FA2H: variants seen among roughly 807,000 people sequenced by gnomAD.
FA2H encodes fatty acid 2-hydroxylase, also known as fatty acid alpha-hydroxylase.
In FA2H, 22 loss-of-function variants were observed where a neutral mutation model predicts 44.9. The ratio of observed to expected loss-of-function variants is 0.49; its 90% CI spans 0.35 to 0.70. FA2H has a LOEUF of 0.70. Ranked by LOEUF, FA2H falls within the 30% of genes least tolerant of loss-of-function variation. The pLI, the probability that FA2H is intolerant of heterozygous loss-of-function variation, is 0.01. For missense variants in FA2H, 501 were observed against 504.9 expected, an observed-to-expected ratio of 0.99 and a Z score of 0.07; for synonymous variants, 243 against 213.2, an observed-to-expected ratio of 1.14 and a Z score of -1.22.
chr16:74,725,355 A>G (rs1961929289), intron 4 of FA2H, among the ~76,000 whole-genome samples: 1 of 152,208 alleles, frequency 6.6e-6, no homozygotes. Flanking sequence ...GACAGACCAC[A>G]GGGCAGGTGG....
chr16:74,769,639 G>A (rs534766976), intron 1 of FA2H, among the ~76,000 whole-genome samples: 1 of 152,308 alleles, frequency 6.6e-6, no homozygotes, highest in Admixed American at 6.5e-5. Flanking sequence ...CAGAGTCTGG[G>A]AAACACAGTA....
intron 1 of FA2H, among the ~76,000 whole-genome samples, chr16:74,743,528 G>A (rs557134430): frequency 6.6e-6 from 1 of 152,224 alleles, no homozygotes; most frequent in Admixed American, 6.5e-5. Context: ...CCCGCACAGA[G>A]GGGCCAGGGA....
intron 1 of FA2H, among the ~76,000 whole-genome samples, chr16:74,743,570 C>T (rs1962354837): frequency 6.6e-6 from 1 of 152,156 alleles, no homozygotes; most frequent in Non-Finnish European, 1.5e-5. Context: ...GAATCATGGA[C>T]CAGCACCAGT....
At chr16:74,769,602 A>T (rs74355523) in intron 1 of FA2H, among the ~76,000 whole-genome samples, 2 of 152,080 alleles carry the variant, frequency 1.3e-5, no homozygotes, top group Non-Finnish European at 2.9e-5. Context: ...GGGGGAAAAA[A>T]ACCTGGGGTG....
At chr16:74,734,951 C>T (rs1330950936) in intron 2 of FA2H, among the ~76,000 whole-genome samples, 1 of 152,256 alleles carries the variant, frequency 6.6e-6, no homozygotes, top group Non-Finnish European at 1.5e-5. Context: ...TGGAGACAGG[C>T]TTCCAGGCAG....
intron 6 of FA2H, among the ~76,000 whole-genome samples, 159 bp from the exon 7 acceptor site, chr16:74,714,428 G>A (rs1961648907): frequency 6.6e-6 from 1 of 152,146 alleles, no homozygotes. Context: ...AGAAGTCAAG[G>A]GTGGGGAACC....
At chr16:74,720,530 A>G (rs987635329) in intron 4 of FA2H, among the ~76,000 whole-genome samples, 2 of 151,794 alleles carry the variant, frequency 1.3e-5, no homozygotes, top group Non-Finnish European at 2.9e-5. Context: ...TCTTTTCTCT[A>G]CAAACCATAG....
chr16:74,714,293 GA>G, intron 6 of FA2H, 24 bp from the exon 7 acceptor site: 1 of 1,471,506 alleles, frequency 6.8e-7, no homozygotes, highest in Non-Finnish European at 9.3e-7. Context: ...CAAACGGGGA[GA>G]AGATGAGGCA....
intron 1 of FA2H, among the ~76,000 whole-genome samples, chr16:74,744,447 T>G (rs1032549621): frequency 2.1e-5 from 3 of 145,918 alleles, no homozygotes; most frequent in South Asian, 4.4e-4. Context: ...TTCCAGATGA[T>G]GCCTTTTTTT....
chr16:74,718,027 C>T (rs542493611), intron 5 of FA2H, among the ~76,000 whole-genome samples: 1 of 152,116 alleles, frequency 6.6e-6, no homozygotes, highest in Non-Finnish European at 1.5e-5. Context: ...GACTGGGCAC[C>T]CACCCTGATA....
chr16:74,745,849 T>A (rs1167273942), intron 1 of FA2H, among the ~76,000 whole-genome samples: 1 of 144,224 alleles, frequency 6.9e-6, no homozygotes, highest in Non-Finnish European at 1.5e-5. Context: ...TCTGTAGCCC[T>A]GGCTAGAATG....
chr16:74,722,550 A>G (rs1008199132), intron 4 of FA2H, among the ~76,000 whole-genome samples: 1 of 151,926 alleles, frequency 6.6e-6, no homozygotes, highest in Non-Finnish European at 1.5e-5. Context: ...AGAAAAAAAG[A>G]AAAGAAAACG....
At chr16:74,773,393 G>A (rs943156663) in intron 1 of FA2H, among the ~76,000 whole-genome samples, 5 of 152,066 alleles carry the variant, frequency 3.3e-5, no homozygotes, top group African/African-American at 1.2e-4. Flanking sequence ...TATAGGATTC[G>A]GTACTATCTG....
At chr16:74,740,759 G>A (rs968341761) in intron 1 of FA2H, among the ~76,000 whole-genome samples, 7 of 152,082 alleles carry the variant, frequency 4.6e-5, no homozygotes, top group African/African-American at 9.7e-5. Context: ...TGCTTAGTGG[G>A]AGCCCTCCGG....
chr16:74,764,912 C>G (rs1361827507), intron 1 of FA2H, among the ~76,000 whole-genome samples: 1 of 152,024 alleles, frequency 6.6e-6, no homozygotes, highest in Non-Finnish European at 1.5e-5. Flanking sequence ...CTGGGGGGGT[C>G]TTAACCCTGA....
chr16:74,722,715 C>A (rs1167808137), intron 4 of FA2H, among the ~76,000 whole-genome samples: 1 of 151,944 alleles, frequency 6.6e-6, no homozygotes, highest in African/African-American at 2.4e-5. Context: ...GAGTTCGAGA[C>A]CAGCCTGACC....
rs771738496 is a variant in FA2H at position 74,726,337 on chromosome 16, G to T, written c.507-6C>A. 1.3e-6 allele frequency: 2 copies of T among 1,589,652 alleles called. No homozygotes were observed. Among genetic ancestry groups the T allele is most frequent in the South Asian group, 2.2e-5 (2 of 90,488 alleles). ...AGATGATGGGGACACTGTACCTGCA[G>T]GAAGGCCATCAGGGTGAGAGAGATA... On this transcript the variant is annotated splice_polypyrimidine_tract_variant and splice_region_variant and intron_variant, in intron 3 of 6. Coordinates refer to ENST00000219368, the MANE Select transcript of FA2H (RefSeq NM_024306.5).
intron 1 of FA2H, among the ~76,000 whole-genome samples, chr16:74,757,242 G>A (rs952969934): frequency 1.3e-5 from 2 of 152,146 alleles, no homozygotes; most frequent in Non-Finnish European, 2.9e-5. Flanking sequence ...TCAGAAACAT[G>A]GAAAGACTCA....
chr16:74,766,706 C>T (rs1962815716), intron 1 of FA2H, among the ~76,000 whole-genome samples: 1 of 152,142 alleles, frequency 6.6e-6, no homozygotes, highest in African/African-American at 2.4e-5. Context: ...TCCAGTTACT[C>T]CCCATTTTCT....
Sources: allele counts gnomAD v4.1 joint callset (sites outside exome capture counted in the v4.1 genomes callset), GRCh38; gene constraint gnomAD v4.1.1; transcripts MANE v1.5; gene names NCBI Gene and HGNC (gene_info 2026-07-23, HGNC 2026-07-21).